The following CMYA5 variants were observed in gnomAD, a reference collection of about 807,000 sequenced individuals.
CMYA5 encodes the protein cardiomyopathy-associated protein 5.
In CMYA5, 246 loss-of-function variants were observed where a neutral mutation model predicts 318.9. The ratio of observed to expected loss-of-function variants is 0.77; its 90% confidence interval spans 0.70 to 0.86. CMYA5 has a LOEUF of 0.86. CMYA5 is among the 40% of genes least tolerant of loss of function. The probability of loss-of-function intolerance (pLI) is 0.00; values close to 1 mark genes in which losing one functional copy is unlikely to be tolerated. For missense variants in CMYA5, 4,589 were observed against 4,678.2 expected (o/e 0.98, Z 0.56); for synonymous variants, 1,641 against 1,729.5 (o/e 0.95, Z 1.27).
intron 9 of CMYA5, among the ~76,000 whole-genome samples, chr5:79,775,753 A>G (rs979229729): frequency 6.6e-6 from 1 of 152,172 alleles, no homozygotes; most frequent in Non-Finnish European, 1.5e-5. Flanking sequence ...CTGTATAACC[A>G]TTATTTTAAA....
At position 79,714,101 on chromosome 5, in the gene CMYA5, C is replaced by G. The variant is rs114739519; in HGVS notation, c.150-14814C>G. Among the ~76,000 whole-genome samples, 962 of 152,294 alleles carry G rather than the reference C, an allele frequency of 6.3e-3. 9 individuals are homozygous for G. Among genetic ancestry groups the G allele is most frequent in the African/African-American group, 0.022 (927 of 41,546 alleles). On this transcript the variant is annotated intron_variant, in intron 1 of 12. Coordinates refer to ENST00000446378, the MANE Select transcript of CMYA5 (RefSeq NM_153610.5). ...AGCATTTGGAAGCATCTGCATAATA[C>G]TAACATATGTATCACTGGGTTTTAC...
At chr5:79,763,893 C>T (rs1051684601) in intron 9 of CMYA5, among the ~76,000 whole-genome samples, 1 of 152,096 alleles carries the variant, frequency 6.6e-6, no homozygotes, top group Admixed American at 6.5e-5. Flanking sequence ...ATTCTTAATA[C>T]TCATATTTTG....
At chr5:79,797,982 G>A (rs749907698) in intron 12 of CMYA5, among the ~76,000 whole-genome samples, 1 of 152,136 alleles carries the variant, frequency 6.6e-6, no homozygotes, top group Non-Finnish European at 1.5e-5. Flanking sequence ...CACACTGCCA[G>A]TCCCCATCAT....
chr5:79,690,474 C>T (rs1826946803), intron 1 of CMYA5, among the ~76,000 whole-genome samples: 1 of 152,080 alleles, frequency 6.6e-6, no homozygotes, highest in Non-Finnish European at 1.5e-5. Context: ...TCCCCGGGGG[C>T]CTAGCAGTAG....
intron 9 of CMYA5, among the ~76,000 whole-genome samples, chr5:79,778,716 A>ATTGAG (rs1035425267): frequency 6.6e-6 from 1 of 150,954 alleles, no homozygotes; most frequent in African/African-American, 2.4e-5. Context: ...TTTTATAATA[A>ATTGAG]TTGAGTTGGA....
chr5:79,713,408 G>C (rs564682726), intron 1 of CMYA5, among the ~76,000 whole-genome samples: 1 of 151,548 alleles, frequency 6.6e-6, no homozygotes, highest in Non-Finnish European at 1.5e-5. Flanking sequence ...AGTTTCCTAT[G>C]TTTTGGTCTG....
intron 1 of CMYA5, among the ~76,000 whole-genome samples, chr5:79,715,574 A>G (rs1275828909): frequency 6.6e-6 from 1 of 152,140 alleles, no homozygotes; most frequent in Non-Finnish European, 1.5e-5. Flanking sequence ...GACGTGAGCC[A>G]CCGTGCCCAG....
In CMYA5 at chr5:79,733,014, G is replaced by T. The variant is rs755180942; in HGVS notation, c.4249G>T (p.Asp1417Tyr). 6.2e-7 allele frequency: 1 copy of T among 1,613,474 alleles called. No homozygotes were observed. Among genetic ancestry groups the T allele is most frequent in the Non-Finnish European group, 8.5e-7 (1 of 1,179,666 alleles). Reference sequence around the variant, plus strand: ...TGAACATTCAGTTCTTGCAGAAGAAGACAAGGTGGCAATTAAAGGTGCTTC... The same window carrying T: ...TGAACATTCAGTTCTTGCAGAAGAATACAAGGTGGCAATTAAAGGTGCTTC... ...ADEHSVLAEE[D>Y]KVAIKGASPI... is the part of the protein sequence containing the mutation. Residue 1417 changes from aspartate (D) to tyrosine (Y), a missense_variant, in exon 2 of 13, where the codon GAC becomes TAC. Coordinates refer to ENST00000446378, the MANE Select transcript of CMYA5 (RefSeq NM_153610.5).
chr5:79,726,004 G>A (rs1827740547), intron 1 of CMYA5, among the ~76,000 whole-genome samples: 1 of 152,172 alleles, frequency 6.6e-6, no homozygotes. Context: ...GGTTCTAAGT[G>A]CTTTATATTT....
intron 12 of CMYA5, among the ~76,000 whole-genome samples, chr5:79,794,132 T>G (rs765405302): frequency 3.4e-4 from 51 of 152,184 alleles, no homozygotes; most frequent in Non-Finnish European, 6.5e-4. Flanking sequence ...TCCCTCCACA[T>G]TGGTCCATAT....
intron 1 of CMYA5, among the ~76,000 whole-genome samples, chr5:79,728,101 A>G (rs1367730603): frequency 1.3e-5 from 2 of 152,176 alleles, no homozygotes; most frequent in African/African-American, 4.8e-5. Flanking sequence ...TCCCTGTTTT[A>G]TAGATGAGGA....
chr5:79,716,633 A>G (rs1482682191), intron 1 of CMYA5, among the ~76,000 whole-genome samples: 1 of 152,240 alleles, frequency 6.6e-6, no homozygotes, highest in Non-Finnish European at 1.5e-5. Flanking sequence ...AAAAGATATG[A>G]ATCTTTACAT....
chr5:79,690,934 A>G (rs549347875), intron 1 of CMYA5, among the ~76,000 whole-genome samples: 1 of 152,322 alleles, frequency 6.6e-6, no homozygotes, highest in South Asian at 2.1e-4. Flanking sequence ...GAAGTAGCCC[A>G]TAGAGGGGCA....
chr5:79,762,976 C>T lies in CMYA5; in HGVS notation c.11408-86C>T, dbSNP rs1028202337. On this transcript the variant is annotated intron_variant, in intron 8 of 12. Transcript: ENST00000446378. Reference sequence around the variant, plus strand: ...TGAAAAATTGAAAACAGAATCATGCCGAAGCCGTGGAAGATCACGTGCTTC... The same window carrying T: ...TGAAAAATTGAAAACAGAATCATGCTGAAGCCGTGGAAGATCACGTGCTTC... The T allele has an allele frequency of 5.6e-6, 8 of 1,433,398 alleles. No homozygotes were observed. The African/African-American group carries it at 5.7e-5, about 10-fold the overall frequency. 88.8% of individuals were successfully genotyped at this position (1,433,398 alleles called of 1,614,324 possible).
intron 1 of CMYA5, among the ~76,000 whole-genome samples, chr5:79,699,804 G>A (rs1457211326): frequency 1.3e-5 from 2 of 152,232 alleles, no homozygotes; most frequent in African/African-American, 4.8e-5. Flanking sequence ...AGAGTTAACC[G>A]TGTTGACTTA....
rs769015578 is a variant in CMYA5, at chr5:79,734,701, G to A, written c.5936G>A (p.Ser1979Asn). Residue 1979 changes from serine (S) to asparagine (N), a missense_variant, in exon 2 of 13, where the codon AGT becomes AAT. This residue lies in a region of CMYA5 where 2,431 missense variants were observed against 2,495.1 expected (regional missense o/e 0.97). Coordinates refer to ENST00000446378, the MANE Select transcript of CMYA5 (RefSeq NM_153610.5). ...AATACAGAGACCTTATCAAGTAAAA[G>A]TTACTCTTCTGAAGAAGTAAAGCTG... is the stretch of plus-strand genomic sequence containing the variant. ...SGNTETLSSK[S>N]YSSEEVKLAE... The A allele has an allele frequency of 2.5e-6, 4 of 1,613,844 alleles. No homozygotes were observed. Among genetic ancestry groups the A allele is most frequent in the Admixed American group, 1.7e-5 (1 of 59,994 alleles).
intron 9 of CMYA5, among the ~76,000 whole-genome samples, chr5:79,766,407 C>T (rs1283883902): frequency 2.0e-5 from 3 of 152,132 alleles, no homozygotes; most frequent in African/African-American, 7.2e-5. Context: ...GCGCTTCCAG[C>T]TTTTGCTCAT....
At position 79,697,348 on chromosome 5, in the gene CMYA5, C is replaced by T. The variant is rs573552979; in HGVS notation, c.149+7292C>T. Among the ~76,000 whole-genome samples the T allele has an allele frequency of 3.3e-5, 5 of 152,108 alleles. No individual in the cohort carries two copies. In the East Asian group the frequency reaches 9.6e-4, roughly 29 times the overall value. ...CTCTTGTTAGTCCTCCTCCATCTGCCTACAGCAAAAGGTTTCACTGTCTTG... is the reference window on the plus strand; with the variant it reads ...CTCTTGTTAGTCCTCCTCCATCTGCTTACAGCAAAAGGTTTCACTGTCTTG... On this transcript the variant is annotated intron_variant, in intron 1 of 12. Coordinates refer to ENST00000446378, the MANE Select transcript of CMYA5 (RefSeq NM_153610.5).
chr5:79,786,220 A>G (rs191562641), intron 9 of CMYA5, among the ~76,000 whole-genome samples: 1 of 152,312 alleles, frequency 6.6e-6, no homozygotes, highest in East Asian at 1.9e-4. Context: ...AATCGACTTC[A>G]TGGCTGCTGC....
Sources: gnomAD v4.1 joint callset for allele counts (sites outside exome capture counted in the v4.1 genomes callset) on GRCh38, gnomAD v4.1.1 for gene constraint, gnomAD v4.1.1 regional missense constraint, MANE v1.5 for transcripts, NCBI Gene and HGNC (gene_info 2026-07-23, HGNC 2026-07-21) for gene names.